The following AKT2 variants were observed in gnomAD, a reference collection of about 807,000 sequenced individuals.
AKT2 encodes the protein AKT serine/threonine kinase 2.
AKT2 carries 16 observed loss-of-function variants against 58.6 expected under a neutral mutation model. The ratio of observed to expected loss-of-function variants is 0.27; its 90% CI spans 0.18 to 0.41. The LOEUF (loss-of-function observed/expected upper bound fraction) is 0.41, where lower values mean the gene tolerates loss of function less well. AKT2 is among the 10% of genes least tolerant of loss of function. The pLI is 1.00. For synonymous variants in AKT2, 253 were observed against 254.0 expected (o/e 1.00, Z 0.04); for missense variants, 438 against 661.0 (o/e 0.66, Z 3.70).
At chr19:40,259,373 A>C (rs1402528657) in intron 2 of AKT2, among the ~76,000 whole-genome samples, 1 of 152,202 alleles carries the variant, frequency 6.6e-6, no homozygotes, top group East Asian at 1.9e-4. Context: ...TCCACATTCA[A>C]AAGAATGGAT....
intron 4 of AKT2, among the ~76,000 whole-genome samples, chr19:40,247,007 C>T (rs1479888753): frequency 1.3e-5 from 2 of 152,222 alleles, no homozygotes; most frequent in South Asian, 2.1e-4. Context: ...GCTCCCACTG[C>T]CCACCCTACA....
intron 7 of AKT2, 88 bp from the exon 8 acceptor site, chr19:40,239,061 C>T: frequency 4.3e-6 from 6 of 1,380,550 alleles, no homozygotes; most frequent in Non-Finnish European, 6.1e-6. Context: ...CCTGCTTATT[C>T]TGCACACACA....
At chr19:40,272,719 C>T (rs973288080) in intron 1 of AKT2, among the ~76,000 whole-genome samples, 3 of 152,042 alleles carry the variant, frequency 2.0e-5, no homozygotes, top group Non-Finnish European at 2.9e-5. Flanking sequence ...CTTCAGGGCA[C>T]GGGGAGGTAT....
rs1001785642 is a variant in AKT2 at position 40,234,378 on chromosome 19, T to C, written c.1367-427A>G. 5 of 227,968 alleles carry C rather than the reference T, an allele frequency of 2.2e-5. No homozygotes were observed. Among genetic ancestry groups the C allele is most frequent in the Non-Finnish European group, 3.4e-5 (4 of 115,950 alleles). The allele number at this position is 227,968 out of a possible 1,614,324, so 14.1% of individuals were successfully genotyped here. ...ACCCTTCCATGGCTGGCTCCCGCCA[T>C]GCAAGCAGTCCCCACCCCTCCCAGT... On this transcript the variant is annotated intron_variant, in intron 13 of 13. Transcript: ENST00000392038. This position sits in a 1 kb window ranked among gnomAD's most constrained non-coding sequence, Gnocchi z 4.7.
intron 1 of AKT2, among the ~76,000 whole-genome samples, chr19:40,267,805 TCA>T (rs1326507286): frequency 6.6e-6 from 1 of 152,032 alleles, no homozygotes; most frequent in Non-Finnish European, 1.5e-5. Flanking sequence ...TTCATGAGGC[TCA>T]CAGTCTGGTG....
At chr19:40,283,470 G>A (rs1037209907) in intron 1 of AKT2, among the ~76,000 whole-genome samples, 2 of 152,152 alleles carry the variant, frequency 1.3e-5, no homozygotes, top group African/African-American at 2.4e-5. Context: ...CAGGAACCAC[G>A]AGCCACGGAA....
rs570417919 is a variant in AKT2, at chr19:40,256,521, G to A, written c.175+405C>T. Among the ~76,000 whole-genome samples the A allele has an allele frequency of 8.9e-4, 136 of 152,306 alleles. 1 individual carries two copies. Among genetic ancestry groups the A allele is most frequent in the Non-Finnish European group, 1.6e-3 (107 of 68,032 alleles). On this transcript the variant is annotated intron_variant, in intron 3 of 13. Coordinates refer to ENST00000392038, the MANE Select transcript of AKT2 (RefSeq NM_001626.6). ...TGGGTATTACAGAGGGACAGAGGACGCGAGGCCAGCCCTGTGACCAGCTGA... is the reference window on the plus strand; with the variant it reads ...TGGGTATTACAGAGGGACAGAGGACACGAGGCCAGCCCTGTGACCAGCTGA...
At position 40,238,102 on chromosome 19, in the gene AKT2, A is replaced by C. The variant is rs750276003; in HGVS notation, c.709-11T>G. 1 of 1,588,994 alleles carries C rather than the reference A, an allele frequency of 6.3e-7. No individual in the cohort carries two copies. The highest frequency in any genetic ancestry group is 8.6e-7 in the Non-Finnish European group (1 of 1,168,148). The stretch of plus-strand genomic sequence containing the variant: ...CAGGTGGAAGAACAGCTGCAGGAGG[A>C]AGGGGTGGGGAGAGGAGGTCAGGCC... On this transcript the variant is annotated splice_polypyrimidine_tract_variant and intron_variant, in intron 8 of 13. Coordinates refer to ENST00000392038, the MANE Select transcript of AKT2 (RefSeq NM_001626.6). The surrounding 1 kb of genome is among the most constrained non-coding windows in gnomAD (Gnocchi z 5.1).
chr19:40,261,474 A>C (rs1975944196), intron 2 of AKT2, among the ~76,000 whole-genome samples: 1 of 151,216 alleles, frequency 6.6e-6, no homozygotes, highest in Non-Finnish European at 1.5e-5. Flanking sequence ...CAGAGGTTGC[A>C]GTGAGCCGAG....
At position 40,232,875 on chromosome 19, in the gene AKT2, G is replaced by C; in HGVS notation, c.*997C>G. ...GGCCCTGGGGAGAGGGAGGGGTGAGGGGGGCCTAGGAGCCTCCCTTTTCAG... is the reference window on the plus strand; with the variant it reads ...GGCCCTGGGGAGAGGGAGGGGTGAGCGGGGCCTAGGAGCCTCCCTTTTCAG... On this transcript the variant is annotated 3_prime_UTR_variant, in exon 14 of 14. Transcript: ENST00000392038. 4.2e-6 allele frequency: 1 copy of C among 236,416 alleles called. No individual in the cohort carries two copies. The highest frequency in any genetic ancestry group is 1.7e-4 in the South Asian group (1 of 5,970). The allele number at this position is 236,416 out of a possible 1,614,324, so 14.6% of individuals were successfully genotyped here.
At chr19:40,255,370 T>C in intron 3 of AKT2, 101 bp from the exon 4 acceptor site, 1 of 897,066 alleles carries the variant, frequency 1.1e-6, no homozygotes, top group South Asian at 1.4e-5. Flanking sequence ...AGCCCCATGC[T>C]AGATGGTGCT....
intron 1 of AKT2, 60 bp from the exon 2 acceptor site, chr19:40,265,411 T>C: frequency 6.6e-7 from 1 of 1,522,526 alleles, no homozygotes; most frequent in Non-Finnish European, 8.8e-7. Context: ...GCCCCTTCCC[T>C]GAGGACGCCG....
intron 6 of AKT2, chr19:40,240,858 G>A (rs959095422): frequency 6.1e-6 from 1 of 162,966 alleles, no homozygotes; most frequent in African/African-American, 2.4e-5. Context: ...GTGAACATGG[G>A]TCACTACAGC....
chr19:40,265,555 G>A, intron 1 of AKT2: 2 of 648,130 alleles, frequency 3.1e-6, no homozygotes, highest in Non-Finnish European at 5.0e-6. Context: ...CAATCTGGGG[G>A]AAGCAGAGCT....
chr19:40,247,201 G>C (rs544927113), intron 4 of AKT2, among the ~76,000 whole-genome samples: 2 of 152,222 alleles, frequency 1.3e-5, no homozygotes, highest in Non-Finnish European at 2.9e-5. Context: ...GCAACATGGC[G>C]TCTGGGGCAA....
intron 4 of AKT2, among the ~76,000 whole-genome samples, chr19:40,250,343 A>G (rs1385965561): frequency 6.6e-6 from 1 of 152,024 alleles, no homozygotes; most frequent in Non-Finnish European, 1.5e-5. Context: ...ATCTCTACTA[A>G]AAATACAAAA....
Position 40,231,046 on chromosome 19 carries a change from A to G in AKT2, c.*2826T>C, listed in dbSNP as rs1163535349. On this transcript the variant is annotated 3_prime_UTR_variant, in exon 14 of 14. Transcript: ENST00000392038. ...TCACTGTTCTTTATATACAAAAAAG[A>G]ATGTGTGAAATTTTTAAAATGTACA... The G allele has an allele frequency of 4.6e-6, 1 of 215,848 alleles. No homozygotes were observed. Among genetic ancestry groups the G allele is most frequent in the Non-Finnish European group, 9.3e-6 (1 of 107,326 alleles). 13.4% of individuals were successfully genotyped at this position (215,848 alleles called of 1,614,324 possible).
chr19:40,253,063 G>C (rs1975281806), intron 4 of AKT2, among the ~76,000 whole-genome samples: 1 of 152,152 alleles, frequency 6.6e-6, no homozygotes, highest in African/African-American at 2.4e-5. Flanking sequence ...TGTCCAAGAA[G>C]GTAGCCACTA....
chr19:40,275,223 T>C lies in AKT2; in HGVS notation c.-84-9872A>G, dbSNP rs1457483649. 19 of 456,806 alleles carry C rather than the reference T, an allele frequency of 4.2e-5. No individual in the cohort carries two copies. In the Admixed American group the frequency reaches 4.5e-4, roughly 11 times the overall value. 28.3% of individuals were successfully genotyped at this position (456,806 alleles called of 1,614,324 possible). Reference sequence around the variant, plus strand: ...AGACAGGGCCACCTCCCATCTTGTGTCGCCTCCTCCCACACCCCGGCCAGC... The same window carrying C: ...AGACAGGGCCACCTCCCATCTTGTGCCGCCTCCTCCCACACCCCGGCCAGC... On this transcript the variant is annotated intron_variant, in intron 1 of 13. Transcript: ENST00000392038.
Sources: gnomAD v4.1 joint callset for allele counts (sites outside exome capture counted in the v4.1 genomes callset) on GRCh38, gnomAD v4.1.1 for gene constraint, Gnocchi (gnomAD v3.1) non-coding constraint, MANE v1.5 for transcripts, NCBI Gene and HGNC (gene_info 2026-07-23, HGNC 2026-07-21) for gene names.